PLEKHA7: variants seen among roughly 807,000 people sequenced by gnomAD.
PLEKHA7 encodes the protein pleckstrin homology domain-containing family A member 7.
Under a neutral mutation model 170.0 loss-of-function variants are expected in PLEKHA7, and 104 were observed. The observed-to-expected ratio is 0.61, with a 90% CI of 0.52 to 0.72. The LOEUF is 0.72. Among genes scored for constraint, PLEKHA7 ranks in the 30% least tolerant of loss-of-function variants. PLEKHA7 has a pLI of 0.00. For missense variants in PLEKHA7, 1,615 were observed against 1,671.7 expected (o/e 0.97, Z 0.59); for synonymous variants, 648 against 660.8 (o/e 0.98, Z 0.30).
At chr11:16,818,471 G>T (rs568356150) in intron 10 of PLEKHA7, among the ~76,000 whole-genome samples, 1 of 152,268 alleles carries the variant, frequency 6.6e-6, no homozygotes, top group East Asian at 1.9e-4. Context: ...CATTCTCTAG[G>T]ATGCTGGCTC....
At chr11:16,857,447 T>C (rs1433788110) in intron 4 of PLEKHA7, among the ~76,000 whole-genome samples, 4 of 152,202 alleles carry the variant, frequency 2.6e-5, no homozygotes, top group African/African-American at 7.2e-5. Context: ...TGTCACCACA[T>C]TTGCTGTTGG....
chr11:16,795,829 C>T (rs1438356278), intron 17 of PLEKHA7, among the ~76,000 whole-genome samples: 2 of 145,100 alleles, frequency 1.4e-5, no homozygotes, highest in South Asian at 4.5e-4. Context: ...TTATGTTCTA[C>T]GTATTTTACC....
chr11:16,820,999 A>G (rs369501490), intron 10 of PLEKHA7, among the ~76,000 whole-genome samples: 14 of 152,264 alleles, frequency 9.2e-5, no homozygotes, highest in African/African-American at 3.1e-4. Flanking sequence ...TGCCCCTAAC[A>G]GCAGATCCAT....
intron 26 of PLEKHA7, among the ~76,000 whole-genome samples, chr11:16,780,640 G>C (rs7943632): frequency 6.6e-6 from 1 of 152,218 alleles, no homozygotes; most frequent in Non-Finnish European, 1.5e-5. Flanking sequence ...TCGGGCATCA[G>C]GGTGCCCTAC....
chr11:16,956,992 C>T (rs1458687291), intron 3 of PLEKHA7, among the ~76,000 whole-genome samples: 1 of 152,124 alleles, frequency 6.6e-6, no homozygotes, highest in Non-Finnish European at 1.5e-5. Flanking sequence ...ATTATCACCT[C>T]CCCCCGTGGC....
chr11:16,822,121 T>C (rs1450613317), intron 10 of PLEKHA7, among the ~76,000 whole-genome samples: 2 of 152,064 alleles, frequency 1.3e-5, no homozygotes, highest in African/African-American at 2.4e-5. Flanking sequence ...ATTCAGGCCG[T>C]TGTGTGTAGC....
rs896282978 is a variant in PLEKHA7 at position 16,855,011 on chromosome 11, G to A, written c.418-18C>T. On this transcript the variant is annotated intron_variant, in intron 5 of 26. Coordinates refer to ENST00000531066, the MANE Select transcript of PLEKHA7 (RefSeq NM_001329630.2). The stretch of plus-strand genomic sequence containing the variant: ...TTTATGATCTATGAAAAAGCAGACT[G>A]AACTTTAGCAACAGGGAATTTAAGG... 2.5e-6 allele frequency: 4 copies of A among 1,606,438 alleles called. No individual in the cohort carries two copies. The highest frequency in any genetic ancestry group is 4.5e-5 in the East Asian group (2 of 44,858).
intron 24 of PLEKHA7, among the ~76,000 whole-genome samples, chr11:16,784,448 G>A (rs1216726101): frequency 1.3e-5 from 2 of 152,180 alleles, no homozygotes; most frequent in African/African-American, 4.8e-5. Flanking sequence ...AGGATGTGAT[G>A]GTGCTTTCTG....
intron 24 of PLEKHA7, among the ~76,000 whole-genome samples, chr11:16,784,496 C>T (rs1444458523): frequency 6.6e-6 from 1 of 152,226 alleles, no homozygotes; most frequent in East Asian, 1.9e-4. Flanking sequence ...CAGGAGGCAG[C>T]TATGCTGAAT....
intron 3 of PLEKHA7, among the ~76,000 whole-genome samples, chr11:16,962,508 T>C (rs976289728): frequency 1.3e-5 from 2 of 152,226 alleles, no homozygotes; most frequent in Non-Finnish European, 2.9e-5. Context: ...TTGCCCAGGC[T>C]GGAGTGTAGC....
chr11:16,801,161 T>C (rs1564926945), intron 16 of PLEKHA7, 86 bp from the exon 17 acceptor site: 1 of 1,166,990 alleles, frequency 8.6e-7, no homozygotes, highest in Non-Finnish European at 1.3e-6. Flanking sequence ...CTGACCATGC[T>C]GACCCAGCCA....
chr11:16,828,725 C>T (rs1850861731), intron 9 of PLEKHA7, among the ~76,000 whole-genome samples: 1 of 152,240 alleles, frequency 6.6e-6, no homozygotes, highest in Non-Finnish European at 1.5e-5. Context: ...CTCCTACCCT[C>T]AGTCCAGGTG....
intron 3 of PLEKHA7, among the ~76,000 whole-genome samples, chr11:16,949,897 G>C (rs1861293695): frequency 6.6e-6 from 1 of 152,070 alleles, no homozygotes; most frequent in Non-Finnish European, 1.5e-5. Context: ...ATCAAGCCAA[G>C]ATGAGGTTCT....
At chr11:16,940,546 C>CTTT (rs1280032018) in intron 3 of PLEKHA7, among the ~76,000 whole-genome samples, 1 of 152,122 alleles carries the variant, frequency 6.6e-6, no homozygotes, top group African/African-American at 2.4e-5. Flanking sequence ...CCTCAGCCTC[C>CTTT]TAAAGTGCTG....
At chr11:16,898,027 T>A (rs1412413312) in intron 3 of PLEKHA7, among the ~76,000 whole-genome samples, 2 of 152,246 alleles carry the variant, frequency 1.3e-5, no homozygotes, top group African/African-American at 4.8e-5. Flanking sequence ...CCATTCCTTT[T>A]TTTTTCTGAC....
chr11:16,866,435 T>C (rs1854398724), intron 4 of PLEKHA7, among the ~76,000 whole-genome samples: 1 of 151,788 alleles, frequency 6.6e-6, no homozygotes, highest in South Asian at 2.1e-4. Context: ...CTACTAAAAA[T>C]ACAAAAATTA....
chr11:16,887,086 C>G (rs1477334194), intron 3 of PLEKHA7, among the ~76,000 whole-genome samples: 1 of 151,964 alleles, frequency 6.6e-6, no homozygotes, highest in Non-Finnish European at 1.5e-5. Flanking sequence ...AAAAACAATT[C>G]AGGATATGAA....
At chr11:16,824,897 G>A (rs967156431) in intron 10 of PLEKHA7, among the ~76,000 whole-genome samples, 2 of 152,142 alleles carry the variant, frequency 1.3e-5, no homozygotes, top group South Asian at 2.1e-4. Flanking sequence ...TACTTAGGCC[G>A]GCACCAAGAA....
intron 13 of PLEKHA7, chr11:16,812,338 A>C (rs1455883363): frequency 6.6e-6 from 1 of 152,214 alleles, no homozygotes; most frequent in African/African-American, 2.4e-5. Context: ...GGTACACTGG[A>C]GACTGTAGGG....
Sources: allele counts gnomAD v4.1 joint callset (sites outside exome capture counted in the v4.1 genomes callset), GRCh38; gene constraint gnomAD v4.1.1; transcripts MANE v1.5; gene names NCBI Gene and HGNC (gene_info 2026-07-23, HGNC 2026-07-21).